ACTR8: variants seen among roughly 807,000 people sequenced by gnomAD.
The protein encoded by ACTR8 is actin-related protein 8.
ACTR8 carries 70 observed loss-of-function variants against 84.3 expected under a neutral mutation model. The ratio of observed to expected loss-of-function variants is 0.83; its 90% CI spans 0.68 to 1.01. The LOEUF is 1.01. Ranked by LOEUF, ACTR8 falls within the 50% of genes least tolerant of loss-of-function variation. ACTR8 has a pLI of 0.00. For missense variants in ACTR8, 672 were observed against 775.4 expected (o/e 0.87, Z 1.58); for synonymous variants, 268 against 275.2 (o/e 0.97, Z 0.26).
downstream of ACTR8, among the ~76,000 whole-genome samples, chr3:53,862,422 C>T (rs1175277502): frequency 6.6e-6 from 1 of 152,172 alleles, no homozygotes; most frequent in Non-Finnish European, 1.5e-5. Flanking sequence ...GCCATGAAAG[C>T]CATCAAGCCT....
chr3:53,868,684 GT>G lies in ACTR8; in HGVS notation c.*34del, dbSNP rs1228993591. ...AAGAGTCTTTTATACCAAGAAGCTT[GT>G]TTTTGGTCTTCGGCAGTGACATTTC... On this transcript the variant is annotated 3_prime_UTR_variant, in exon 13 of 13. Transcript: ENST00000335754. The G allele has an allele frequency of 2.5e-6, 4 of 1,607,934 alleles. No homozygotes were observed. The highest frequency in any genetic ancestry group is 1.7e-5 in the Admixed American group (1 of 58,766).
intron 8 of ACTR8, among the ~76,000 whole-genome samples, chr3:53,873,936 C>T (rs13060523): frequency 2.8e-4 from 42 of 152,200 alleles, no homozygotes; most frequent in African/African-American, 7.2e-4. Flanking sequence ...GCCATTCTCC[C>T]GCCTCAGCCT....
intron 2 of ACTR8, 44 bp from the exon 3 acceptor site, chr3:53,878,511 G>A: frequency 3.4e-6 from 4 of 1,192,872 alleles, no homozygotes; most frequent in Non-Finnish European, 4.9e-6. Flanking sequence ...GATTTAATGA[G>A]AAGACAAAGC....
Position 53,870,295 on chromosome 3 carries a change from AC to A in ACTR8, c.1568-151del. ...TCCACACTGCAGCCAGGGGAACCCT[AC>A]GAAACACAAATGTAGGCATGTTGCC... On this transcript the variant is annotated intron_variant, in intron 11 of 12. Transcript: ENST00000335754. The surrounding 1 kb of genome is among the most constrained non-coding windows in gnomAD (Gnocchi z 4.1). The A allele has an allele frequency of 1.2e-6, 1 of 862,814 alleles. No homozygotes were observed. Among genetic ancestry groups the A allele is most frequent in the East Asian group, 2.5e-5 (1 of 39,632 alleles). 53.4% of individuals were successfully genotyped at this position (862,814 alleles called of 1,614,324 possible). A position where few individuals can be genotyped will look rare whatever the true frequency, so the allele number is the denominator to read the frequency against.
At chr3:53,873,253 C>T (rs1699915515) in intron 8 of ACTR8, 126 bp from the exon 9 acceptor site, 2 of 573,516 alleles carry the variant, frequency 3.5e-6, no homozygotes, top group South Asian at 4.9e-5. Flanking sequence ...CTTTGTACCA[C>T]TCACACTATA....
rs1412531050 is a variant in ACTR8, at chr3:53,872,373, T to C, written c.1302+11A>G. The C allele has an allele frequency of 1.3e-6, 2 of 1,558,980 alleles. No homozygotes were observed. Among genetic ancestry groups the C allele is most frequent in the Non-Finnish European group, 1.7e-6 (2 of 1,156,720 alleles). ...AAAACTCTCTCTTCTCCTACCAGAA[T>C]TGCTACGGACCTGTTCTTGTTTGCT... On this transcript the variant is annotated intron_variant, in intron 10 of 12. Transcript: ENST00000335754.
chr3:53,880,004 G>C lies in ACTR8; in HGVS notation c.229C>G (p.Arg77Gly), dbSNP rs139765490. ...LPASIPHVIA[R>G]RHKQQGQPLY... The stretch of plus-strand genomic sequence containing the variant: ...GGCTGCCCTTGTTGTTTGTGTCTTC[G>C]GGCAATGACGTGAGGAATGCTGGCA... Residue 77 changes from arginine (R) to glycine (G), a missense_variant, in exon 2 of 13, where the codon CGA becomes GGA. Arg to Gly is a moderately radical substitution (Grantham distance 125). Coordinates refer to ENST00000335754, the MANE Select transcript of ACTR8 (RefSeq NM_022899.5). 1.2e-6 allele frequency: 2 copies of C among 1,614,102 alleles called. No homozygotes were observed. Among genetic ancestry groups the C allele is most frequent in the South Asian group, 2.2e-5 (2 of 91,074 alleles).
chr3:53,881,710 A>C, intron 1 of ACTR8: 4 of 546,094 alleles, frequency 7.3e-6, no homozygotes, highest in Non-Finnish European at 6.5e-6. Context: ...GAGCCCGGGC[A>C]GGAGCGCACA....
chr3:53,866,944 C>T (rs1699798682), downstream of ACTR8: 1 of 152,144 alleles, frequency 6.6e-6, no homozygotes, highest in South Asian at 2.1e-4. Flanking sequence ...GCAGATTATC[C>T]TTAAAGGGCC....
Position 53,870,809 on chromosome 3 carries a change from C to T in ACTR8, c.1567+423G>A, listed in dbSNP as rs1408225120. On this transcript the variant is annotated intron_variant, in intron 11 of 12. Coordinates refer to ENST00000335754, the MANE Select transcript of ACTR8 (RefSeq NM_022899.5). This position sits in a 1 kb window ranked among gnomAD's most constrained non-coding sequence, Gnocchi z 4.1. Reference sequence around the variant, plus strand: ...GTGACTGCTAACTGACCCCTTTCATCCTTTACATCTCTCTCAAGGTCTGCC... The same window carrying T: ...GTGACTGCTAACTGACCCCTTTCATTCTTTACATCTCTCTCAAGGTCTGCC... Among the ~76,000 whole-genome samples the T allele has an allele frequency of 7.2e-5, 11 of 152,176 alleles. No individual in the cohort carries two copies. Among genetic ancestry groups the T allele is most frequent in the African/African-American group, 2.7e-4 (11 of 41,448 alleles).
At chr3:53,866,354 A>G (rs1204657255), downstream of ACTR8, among the ~76,000 whole-genome samples, 2 of 131,276 alleles carry the variant, frequency 1.5e-5, no homozygotes, top group East Asian at 5.6e-4. Context: ...ACTGCACTCC[A>G]TCCTGGGTGA....
rs185348851 is a variant in ACTR8, at chr3:53,870,917, A to C, written c.1567+315T>G. On this transcript the variant is annotated intron_variant, in intron 11 of 12. Transcript: ENST00000335754. This position sits in a 1 kb window ranked among gnomAD's most constrained non-coding sequence, Gnocchi z 4.1. ...GATTCTATGTGAAATTCCTCAAATT[A>C]TTACACAAATGTGAAAGTACCACTG... 1.8e-4 allele frequency among the ~76,000 whole-genome samples: 27 copies of C among 152,358 alleles called. No homozygotes were observed. In the East Asian group the frequency reaches 4.4e-3, roughly 25 times the overall value.
rs111590158 is a variant in ACTR8 at position 53,871,422 on chromosome 3, G to A, written c.1377C>T (p.Ser459=). 7.4e-6 allele frequency: 12 copies of A among 1,614,218 alleles called. No individual in the cohort carries two copies. The highest frequency in any genetic ancestry group is 2.7e-5 in the African/African-American group (2 of 75,070). The change falls in exon 11 of 13, where the codon TCC becomes TCT. Residue 459 remains serine (S), a synonymous_variant. Coordinates refer to ENST00000335754, the MANE Select transcript of ACTR8 (RefSeq NM_022899.5). The part of the protein sequence containing the change: ...IGFEGDLRGQ[S]SDLPERLHSQ... ...AATGGAGTCTTTCTGGAAGATCAGA[G>A]GACTGGCCACGAAGATCCCCTTCAA... is the stretch of plus-strand genomic sequence containing the variant.
chr3:53,860,474 C>A, the ACTR8 span: 5 of 348,942 alleles, frequency 1.4e-5, no homozygotes, highest in East Asian at 1.3e-4. Flanking sequence ...TACCATTGAG[C>A]CTTCTACCAG....
In ACTR8 at chr3:53,877,696, T is replaced by C; in HGVS notation, c.461A>G (p.Asn154Ser). The part of the protein sequence containing the change: ...RPAILDHCSG[N>S]KWTNTSHHPE... ...GTGATGAGATGTGTTTGTCCACTTA[T>C]TTCCCGAACAGTGATCTAAAATTGC... Residue 154 changes from asparagine (N) to serine (S), a missense_variant, in exon 4 of 13, where the codon AAT becomes AGT. Transcript: ENST00000335754. 6.2e-7 allele frequency: 1 copy of C among 1,614,070 alleles called. No individual in the cohort carries two copies. The highest frequency in any genetic ancestry group is 8.5e-7 in the Non-Finnish European group (1 of 1,179,918).
chr3:53,866,609 G>A (rs1699788504), downstream of ACTR8, among the ~76,000 whole-genome samples: 1 of 151,706 alleles, frequency 6.6e-6, no homozygotes, highest in Non-Finnish European at 1.5e-5. Context: ...AGCCTCCTGA[G>A]TAGCTGGGAC....
At chr3:53,872,313 C>T (rs899013708) in intron 10 of ACTR8, 71 bp downstream of exon 10, 4 of 1,441,662 alleles carry the variant, frequency 2.8e-6, no homozygotes, top group Non-Finnish European at 3.7e-6. Context: ...ATTACAATGG[C>T]CTATTAACTC....
At chr3:53,874,703 G>T (rs1699939684) in intron 7 of ACTR8, among the ~76,000 whole-genome samples, 1 of 151,752 alleles carries the variant, frequency 6.6e-6, no homozygotes, top group African/African-American at 2.4e-5. Context: ...TGCAGCCTGG[G>T]TGACAGAGTA....
At chr3:53,872,631 T>C in intron 9 of ACTR8, 107 bp from the exon 10 acceptor site, 1 of 1,329,522 alleles carries the variant, frequency 7.5e-7, no homozygotes, top group East Asian at 2.5e-5. Context: ...TCAGATTCCC[T>C]AAGTTAGACT....
Sources: gnomAD v4.1 joint callset for allele counts (sites outside exome capture counted in the v4.1 genomes callset) on GRCh38, gnomAD v4.1.1 for gene constraint, Gnocchi (gnomAD v3.1) non-coding constraint, MANE v1.5 for transcripts, NCBI Gene and HGNC (gene_info 2026-07-23, HGNC 2026-07-21) for gene names.